PAPPA2: variants seen among roughly 807,000 people sequenced by gnomAD.
PAPPA2 encodes pappalysin 2.
Under a neutral mutation model 176.4 loss-of-function variants are expected in PAPPA2, and 86 were observed. The observed-to-expected ratio is 0.49, with a 90% CI of 0.41 to 0.58. The LOEUF is 0.58. Ranked by LOEUF, PAPPA2 falls within the 20% of genes least tolerant of loss-of-function variation. The pLI is 0.00. For synonymous variants in PAPPA2, 809 were observed against 852.2 expected (o/e 0.95, Z 0.88); for missense variants, 2,073 against 2,256.9 (o/e 0.92, Z 1.65).
chr1:176,654,495 G>C (rs1012805412), intron 3 of PAPPA2, among the ~76,000 whole-genome samples: 2 of 149,664 alleles, frequency 1.3e-5, no homozygotes, highest in African/African-American at 2.4e-5. Context: ...TAGCCTTGTA[G>C]TATAATTTTA....
intron 3 of PAPPA2, among the ~76,000 whole-genome samples, chr1:176,662,611 C>T (rs1386763392): frequency 6.6e-6 from 1 of 151,172 alleles, no homozygotes; most frequent in Non-Finnish European, 1.5e-5. Flanking sequence ...GCTATTCCTC[C>T]TTCTAAAATC....
chr1:176,799,973 C>T lies in PAPPA2; in HGVS notation c.5131-88C>T, dbSNP rs1352089021. 3.8e-6 allele frequency: 5 copies of T among 1,314,036 alleles called. No homozygotes were observed. The Admixed American group carries it at 6.9e-5, about 18-fold the overall frequency. 81.4% of individuals were successfully genotyped at this position (1,314,036 alleles called of 1,614,324 possible). ...TAGCTGCTTGAGAAATGGAGTTGGA[C>T]TCCTGTGGTGAGCTCAGGATTTGCC... On this transcript the variant is annotated intron_variant, in intron 20 of 22. Coordinates refer to ENST00000367662, the MANE Select transcript of PAPPA2 (RefSeq NM_020318.3).
At chr1:176,668,489 T>C (rs752341679) in intron 3 of PAPPA2, among the ~76,000 whole-genome samples, 9 of 152,198 alleles carry the variant, frequency 5.9e-5, no homozygotes, top group Non-Finnish European at 1.3e-4. Context: ...AGCTCTAAAT[T>C]TGAAAATAAT....
chr1:176,471,262 A>G (rs1038494452), intron 1 of PAPPA2, among the ~76,000 whole-genome samples: 5 of 152,136 alleles, frequency 3.3e-5, no homozygotes, highest in Non-Finnish European at 5.9e-5. Flanking sequence ...TGCAGGGTTC[A>G]GAGGGACTCC....
At chr1:176,709,083 T>C in intron 10 of PAPPA2, among the ~76,000 whole-genome samples, 1 of 152,194 alleles carries the variant, frequency 6.6e-6, no homozygotes, top group East Asian at 1.9e-4. Flanking sequence ...GAGTCAGTGC[T>C]ATTCACTTAC....
rs150316479 is a variant in PAPPA2, at chr1:176,514,542, G to A, written c.-916-40865G>A. Reference sequence around the variant, plus strand: ...CTGCAGTCTTTCCCTTCACCACATGGATTTGACTTAAGTCAAAACCTCAGT... The same window carrying A: ...CTGCAGTCTTTCCCTTCACCACATGAATTTGACTTAAGTCAAAACCTCAGT... On this transcript the variant is annotated intron_variant, in intron 1 of 22. Transcript: ENST00000367662. Among the ~76,000 whole-genome samples the A allele has an allele frequency of 1.7e-3, 266 of 152,244 alleles. 2 individuals carry two copies. The highest frequency in any genetic ancestry group is 0.017 in the Middle Eastern group (5 of 294).
At chr1:176,501,883 G>C (rs1173078609) in intron 1 of PAPPA2, among the ~76,000 whole-genome samples, 1 of 152,130 alleles carries the variant, frequency 6.6e-6, no homozygotes, top group Non-Finnish European at 1.5e-5. Flanking sequence ...TGAACCTTTT[G>C]CAATAGTGAC....
chr1:176,630,403 A>G (rs1656274145), intron 3 of PAPPA2, among the ~76,000 whole-genome samples: 1 of 152,216 alleles, frequency 6.6e-6, no homozygotes, highest in Admixed American at 6.5e-5. Context: ...AAGCTAGAGT[A>G]AAGGATATAT....
intron 21 of PAPPA2, among the ~76,000 whole-genome samples, chr1:176,837,062 A>G (rs952314595): frequency 2.0e-5 from 3 of 152,182 alleles, no homozygotes; most frequent in African/African-American, 7.2e-5. Context: ...GGCAGAAGAA[A>G]TTACGTTTAC....
At chr1:176,641,316 G>T (rs977648565) in intron 3 of PAPPA2, among the ~76,000 whole-genome samples, 3 of 151,840 alleles carry the variant, frequency 2.0e-5, no homozygotes, top group African/African-American at 7.3e-5. Flanking sequence ...GGTTTTTATG[G>T]TTTTAGGTCT....
chr1:176,660,710 C>T (rs1208717331), intron 3 of PAPPA2, among the ~76,000 whole-genome samples: 4 of 152,036 alleles, frequency 2.6e-5, no homozygotes, highest in African/African-American at 9.7e-5. Context: ...ACAGTGTCTT[C>T]CTCTAGAAAA....
chr1:176,692,364 G>T lies in PAPPA2; in HGVS notation c.2624+46G>T, dbSNP rs201487867. The T allele has an allele frequency of 6.1e-5, 92 of 1,512,446 alleles. No individual in the cohort carries two copies. The African/African-American group carries it at 1.2e-3, about 19-fold the overall frequency. The allele number at this position is 1,512,446 out of a possible 1,614,324, so 93.7% of individuals were successfully genotyped here. On this transcript the variant is annotated intron_variant, in intron 6 of 22. Coordinates refer to ENST00000367662, the MANE Select transcript of PAPPA2 (RefSeq NM_020318.3). ...GGGTGAGCTGGCTTATTTCTCTGTG[G>T]CATTTCATATGAATGAGGGGAAGAA...
chr1:176,820,799 GA>G (rs147040062), intron 21 of PAPPA2, among the ~76,000 whole-genome samples: 2 of 150,912 alleles, frequency 1.3e-5, no homozygotes, highest in Non-Finnish European at 2.9e-5. Flanking sequence ...CAAAGCTGGG[GA>G]AAAAAAAGTA....
chr1:176,684,684 G>A (rs1298108141), intron 4 of PAPPA2, among the ~76,000 whole-genome samples: 2 of 152,162 alleles, frequency 1.3e-5, no homozygotes, highest in African/African-American at 4.8e-5. Context: ...TAGAGAGTTG[G>A]AAGGGAACGA....
In PAPPA2 at chr1:176,505,731, A is replaced by C. The variant is rs549803618; in HGVS notation, c.-917+42313A>C. Among the ~76,000 whole-genome samples, 25 of 152,142 alleles carry C rather than the reference A, an allele frequency of 1.6e-4. 1 individual carries two copies. The South Asian group carries it at 4.8e-3, about 29-fold the overall frequency. Reference sequence around the variant, plus strand: ...AGAGTGAGACTCTGTCTCAAAAAAAACCAAAAAAACAAAAACAAAACACCA... The same window carrying C: ...AGAGTGAGACTCTGTCTCAAAAAAACCCAAAAAAACAAAAACAAAACACCA... On this transcript the variant is annotated intron_variant, in intron 1 of 22. Transcript: ENST00000367662.
intron 3 of PAPPA2, among the ~76,000 whole-genome samples, chr1:176,659,604 T>A (rs1436687827): frequency 1.3e-5 from 2 of 152,088 alleles, no homozygotes; most frequent in East Asian, 3.9e-4. Flanking sequence ...GCTACCCCAG[T>A]AGGTGCATTC....
intron 21 of PAPPA2, among the ~76,000 whole-genome samples, chr1:176,803,822 T>A (rs1555070): frequency 3.9e-5 from 6 of 152,090 alleles, no homozygotes; most frequent in Non-Finnish European, 8.8e-5. Context: ...AGTAAATAAG[T>A]CTTTGTCTTT....
intron 1 of PAPPA2, among the ~76,000 whole-genome samples, chr1:176,507,166 G>A (rs935429579): frequency 6.6e-6 from 1 of 151,436 alleles, no homozygotes; most frequent in Admixed American, 6.6e-5. Flanking sequence ...ACATACAAGT[G>A]GTCAACAAAT....
chr1:176,742,020 A>G (rs191189234), intron 14 of PAPPA2, among the ~76,000 whole-genome samples: 4 of 152,276 alleles, frequency 2.6e-5, no homozygotes, highest in Admixed American at 2.6e-4. Flanking sequence ...ATACTCTACC[A>G]TCAAGATTCA....
Sources: gnomAD v4.1 joint callset for allele counts (sites outside exome capture counted in the v4.1 genomes callset) on GRCh38, gnomAD v4.1.1 for gene constraint, MANE v1.5 for transcripts, NCBI Gene and HGNC (gene_info 2026-07-23, HGNC 2026-07-21) for gene names.